Variants in TMEM232 observed in about 807,000 individuals in gnomAD.
The protein encoded by TMEM232 is transmembrane protein 232.
TMEM232 carries 80 observed loss-of-function variants against 78.8 expected under a neutral mutation model. The ratio of observed to expected loss-of-function variants is 1.01; its 90% CI spans 0.85 to 1.22. TMEM232 has a LOEUF of 1.22. Among genes scored for constraint, TMEM232 ranks in the 50% most tolerant of loss-of-function variants. TMEM232 has a pLI of 0.00. For synonymous variants in TMEM232, 297 were observed against 254.3 expected, an observed-to-expected ratio of 1.17 and a Z score of -1.60; for missense variants, 881 against 742.2, an observed-to-expected ratio of 1.19 and a Z score of -2.17.
At chr5:110,707,640 T>G (rs965292219) in intron 1 of TMEM232, among the ~76,000 whole-genome samples, 3 of 152,162 alleles carry the variant, frequency 2.0e-5, no homozygotes, top group African/African-American at 7.2e-5. Flanking sequence ...TCAGAGCCAG[T>G]GGACTAGAGT....
At chr5:110,582,586 C>T (rs541312226) in intron 10 of TMEM232, among the ~76,000 whole-genome samples, 5 of 151,942 alleles carry the variant, frequency 3.3e-5, no homozygotes, top group African/African-American at 1.2e-4. Flanking sequence ...AGCTCACTAC[C>T]TGTACCAGGA....
At chr5:110,665,641 C>CTCCCA (rs10645470) in intron 2 of TMEM232, among the ~76,000 whole-genome samples, 12,983 of 152,048 alleles carry the variant, frequency 0.085, 567 homozygotes, top group Admixed American at 0.12. Flanking sequence ...ATCCAATCAC[C>CTCCCA]TCCCACCAGG....
intron 11 of TMEM232, among the ~76,000 whole-genome samples, chr5:110,530,728 G>A (rs1771328264): frequency 6.6e-6 from 1 of 152,128 alleles, no homozygotes; most frequent in Admixed American, 6.5e-5. Flanking sequence ...GACGGGTGAA[G>A]GGCTGGGGAG....
intron 2 of TMEM232, among the ~76,000 whole-genome samples, chr5:110,652,293 C>T (rs996605627): frequency 7.6e-6 from 1 of 132,280 alleles, no homozygotes; most frequent in African/African-American, 3.0e-5. Flanking sequence ...TGCACGCGCG[C>T]GCACACACAC....
intron 5 of TMEM232, 89 bp from the exon 6 acceptor site, chr5:110,627,969 A>G (rs1415622245): frequency 1.1e-5 from 10 of 927,678 alleles, no homozygotes; most frequent in Non-Finnish European, 1.5e-5. Context: ...ATATTATTAC[A>G]TTTTCTTTTG....
At chr5:110,522,999 G>A (rs1769774935) in intron 12 of TMEM232, among the ~76,000 whole-genome samples, 1 of 152,250 alleles carries the variant, frequency 6.6e-6, no homozygotes, top group Non-Finnish European at 1.5e-5. Context: ...TTGTTCAGAT[G>A]TTTAGTAGGA....
At chr5:110,491,270 T>A (rs1765063045) in intron 12 of TMEM232, among the ~76,000 whole-genome samples, 1 of 152,072 alleles carries the variant, frequency 6.6e-6, no homozygotes, top group Non-Finnish European at 1.5e-5. Context: ...AACACAGCAA[T>A]ATACCTTTCA....
At chr5:110,542,938 G>C (rs1211917064) in intron 11 of TMEM232, among the ~76,000 whole-genome samples, 3 of 152,114 alleles carry the variant, frequency 2.0e-5, no homozygotes, top group African/African-American at 7.2e-5. Context: ...AAAACCTTTA[G>C]AGGGTATTTA....
intron 12 of TMEM232, among the ~76,000 whole-genome samples, chr5:110,474,477 C>CTT (rs150602064): frequency 0.019 from 2,824 of 151,894 alleles, 98 homozygotes; most frequent in African/African-American, 0.065. Flanking sequence ...TTACTCAGAC[C>CTT]TTTACCCATG....
intron 12 of TMEM232, among the ~76,000 whole-genome samples, chr5:110,508,780 T>C (rs1325933870): frequency 1.3e-5 from 2 of 148,860 alleles, no homozygotes. Flanking sequence ...TAAATATGCA[T>C]ATATGCTTTG....
At chr5:110,627,009 T>C (rs972043022) in intron 6 of TMEM232, among the ~76,000 whole-genome samples, 1 of 152,060 alleles carries the variant, frequency 6.6e-6, no homozygotes, top group Non-Finnish European at 1.5e-5. Flanking sequence ...GTCAATTCTA[T>C]ATCCCAGGCA....
chr5:110,539,528 G>A (rs1772832087), intron 11 of TMEM232, among the ~76,000 whole-genome samples: 2 of 152,190 alleles, frequency 1.3e-5, no homozygotes, highest in South Asian at 4.1e-4. Context: ...TCTGGCACCA[G>A]AGTCCTAATA....
At chr5:110,617,047 T>C (rs1783010430) in intron 8 of TMEM232, among the ~76,000 whole-genome samples, 2 of 152,164 alleles carry the variant, frequency 1.3e-5, no homozygotes, top group African/African-American at 4.8e-5. Context: ...GACTGATGAA[T>C]AAATAAAGTG....
At chr5:110,531,361 C>A (rs1771442426) in intron 11 of TMEM232, among the ~76,000 whole-genome samples, 1 of 152,188 alleles carries the variant, frequency 6.6e-6, no homozygotes, top group African/African-American at 2.4e-5. Context: ...GATTGGGGGA[C>A]CTCCCTTGGG....
At chr5:110,690,777 T>G (rs927060734) in intron 1 of TMEM232, among the ~76,000 whole-genome samples, 1 of 152,174 alleles carries the variant, frequency 6.6e-6, no homozygotes, top group Non-Finnish European at 1.5e-5. Context: ...ATATACACCA[T>G]GGAATACTAT....
At chr5:110,507,285 T>C (rs909273772) in intron 12 of TMEM232, among the ~76,000 whole-genome samples, 2 of 152,190 alleles carry the variant, frequency 1.3e-5, no homozygotes, top group African/African-American at 4.8e-5. Flanking sequence ...TTCATAACAG[T>C]ATGCATAACG....
At chr5:110,443,389 C>T (rs1759279755) in intron 12 of TMEM232, among the ~76,000 whole-genome samples, 1 of 152,252 alleles carries the variant, frequency 6.6e-6, no homozygotes, top group Admixed American at 6.5e-5. Context: ...GGGAATTCTG[C>T]CAGGCCACCA....
chr5:110,607,502 T>C (rs2149837045), intron 8 of TMEM232, among the ~76,000 whole-genome samples: 1 of 152,120 alleles, frequency 6.6e-6, no homozygotes, highest in South Asian at 2.1e-4. Context: ...TCAATTAAGT[T>C]AGCCCCCTCA....
upstream of TMEM232, among the ~76,000 whole-genome samples, chr5:110,730,730 G>C (rs566975218): frequency 6.6e-6 from 1 of 152,268 alleles, no homozygotes; most frequent in African/African-American, 2.4e-5. Context: ...TGGCCCCCAT[G>C]ATTCAATTAC....
Sources: gnomAD v4.1 joint callset for allele counts (sites outside exome capture counted in the v4.1 genomes callset) on GRCh38, gnomAD v4.1.1 for gene constraint, MANE v1.5 for transcripts, NCBI Gene and HGNC (gene_info 2026-07-23, HGNC 2026-07-21) for gene names.